Variants in SCAF11 observed in about 807,000 individuals in gnomAD.
SCAF11 encodes the protein SR-related CTD associated factor 11, also known as protein SCAF11.
A neutral mutation model predicts 140.5 loss-of-function variants in SCAF11; 47 were observed. That is an observed-to-expected ratio of 0.33 (90% confidence interval 0.26 to 0.43). The LOEUF (loss-of-function observed/expected upper bound fraction) is 0.43, where lower values mean the gene tolerates loss of function less well. Among genes scored for constraint, SCAF11 ranks in the 20% least tolerant of loss-of-function variants. The probability of loss-of-function intolerance (pLI) is 1.00; values close to 1 mark genes in which losing one functional copy is unlikely to be tolerated. For synonymous variants in SCAF11, 557 were observed against 579.4 expected, an observed-to-expected ratio of 0.96 and a Z score of 0.55; for missense variants, 1,645 against 1,705.1, an observed-to-expected ratio of 0.96 and a Z score of 0.62.
intron 6 of SCAF11, among the ~76,000 whole-genome samples, chr12:45,937,231 T>A (rs888362795): frequency 6.6e-6 from 1 of 152,280 alleles, no homozygotes; most frequent in South Asian, 2.1e-4. Flanking sequence ...TCTTTTTTAG[T>A]CCTACTTTGA....
At chr12:45,925,190 C>A in intron 11 of SCAF11, 116 bp from the exon 12 acceptor site, 1 of 672,558 alleles carries the variant, frequency 1.5e-6, no homozygotes, top group Non-Finnish European at 2.5e-6. Context: ...CTCAGTATAC[C>A]AATACCAATC....
At chr12:45,968,845 G>T (rs995111636) in intron 1 of SCAF11, among the ~76,000 whole-genome samples, 5 of 152,196 alleles carry the variant, frequency 3.3e-5, no homozygotes, top group African/African-American at 9.7e-5. Context: ...AGAATTGCTT[G>T]AACCCAGGAG....
chr12:45,956,100 C>T (rs1945685947), intron 3 of SCAF11: 1 of 715,434 alleles, frequency 1.4e-6, no homozygotes, highest in African/African-American at 1.7e-5. Flanking sequence ...AGAAACCTTC[C>T]TTATTTGGGA....
At chr12:45,960,498 T>A (rs1283943087) in intron 3 of SCAF11, 4 of 151,964 alleles carry the variant, frequency 2.6e-5, no homozygotes, top group African/African-American at 9.7e-5. Flanking sequence ...AGAAAAAAAA[T>A]ATGCATTATT....
rs557535562 is a variant in SCAF11, at chr12:45,924,904, G to A, written c.3730C>T (p.Arg1244Cys). Residue 1244 changes from arginine (R) to cysteine (C), a missense_variant, in exon 12 of 15, where the codon CGC becomes TGC. This residue lies in a region of SCAF11 where 1,582 missense variants were observed against 1,609.2 expected (regional missense o/e 0.98). Transcript: ENST00000369367. Reference sequence around the variant, plus strand: ...TGAGGATGAATGTTAAATGGATTGCGTTGGATGTTCATCAAAGGAGCATGA... The same window carrying A: ...TGAGGATGAATGTTAAATGGATTGCATTGGATGTTCATCAAAGGAGCATGA... ...GVHAPLMNIQRNPFNIHPQLP... is the reference protein window; with the variant it reads ...GVHAPLMNIQCNPFNIHPQLP... 42 of 1,613,992 alleles carry A rather than the reference G, an allele frequency of 2.6e-5. No homozygotes were observed. The South Asian group carries it at 2.7e-4, about 11-fold the overall frequency.
chr12:45,923,793 G>A (rs1267946221), intron 12 of SCAF11, among the ~76,000 whole-genome samples: 3 of 151,470 alleles, frequency 2.0e-5, no homozygotes, highest in Non-Finnish European at 4.4e-5. Flanking sequence ...AGTGATTCTT[G>A]AGCCTCAGCC....
At chr12:45,943,474 TG>T (rs1945352920) in intron 6 of SCAF11, among the ~76,000 whole-genome samples, 1 of 152,196 alleles carries the variant, frequency 6.6e-6, no homozygotes, top group Non-Finnish European at 1.5e-5. Context: ...TTATTATAAT[TG>T]TTCTATATTA....
chr12:45,949,491 A>G (rs1193462806), intron 4 of SCAF11, among the ~76,000 whole-genome samples: 2 of 152,132 alleles, frequency 1.3e-5, no homozygotes, highest in Non-Finnish European at 2.9e-5. Context: ...TTAAAATTTT[A>G]GTTATTTAGT....
chr12:45,965,598 GC>G (rs1344744485), intron 1 of SCAF11, among the ~76,000 whole-genome samples: 1 of 152,106 alleles, frequency 6.6e-6, no homozygotes, highest in South Asian at 2.1e-4. Flanking sequence ...ACAGGCATAA[GC>G]CACTGCACCT....
chr12:45,950,653 G>C (rs1370369192), intron 4 of SCAF11, among the ~76,000 whole-genome samples: 2 of 152,010 alleles, frequency 1.3e-5, no homozygotes, highest in African/African-American at 4.8e-5. Flanking sequence ...AATTTGCATT[G>C]ATGGCAAAGT....
Position 45,958,591 on chromosome 12 carries a change from CATT to C in SCAF11, c.219+3106_219+3108del, listed in dbSNP as rs756737040. On this transcript the variant is annotated intron_variant, in intron 3 of 14. Transcript: ENST00000369367. ...CAATATTCTATTTCTATATAATCAT[CATT>C]ATTTTATAAATCAACAGGTTTACCA... Among the ~76,000 whole-genome samples, 400 of 152,228 alleles carry C rather than the reference CATT, an allele frequency of 2.6e-3. 2 individuals carry two copies. The highest frequency in any genetic ancestry group is 4.5e-3 in the Non-Finnish European group (305 of 68,006).
At position 45,955,901 on chromosome 12, in the gene SCAF11, G is replaced by A. The variant is rs753265704; in HGVS notation, c.220-4174C>T. 4.1e-4 allele frequency: 206 copies of A among 499,692 alleles called. 1 individual carries two copies. Among genetic ancestry groups the A allele is most frequent in the Non-Finnish European group, 6.7e-4 (188 of 279,770 alleles). The allele number at this position is 499,692 out of a possible 1,614,324, so 31.0% of individuals were successfully genotyped here. ...AATGGAATTTGCTCACTGCTTTACA[G>A]TGTAATGTGTATTAAACAGAGCATA... On this transcript the variant is annotated intron_variant, in intron 3 of 14. Transcript: ENST00000369367.
chr12:45,984,993 C>T (rs1946429110), intron 1 of SCAF11, among the ~76,000 whole-genome samples: 1 of 152,214 alleles, frequency 6.6e-6, no homozygotes, highest in Non-Finnish European at 1.5e-5. Context: ...CCACACCCAG[C>T]CACTTCCTTA....
intron 3 of SCAF11, among the ~76,000 whole-genome samples, chr12:45,960,256 T>C (rs1323037370): frequency 1.3e-5 from 2 of 152,138 alleles, no homozygotes; most frequent in Non-Finnish European, 1.5e-5. Context: ...TATCTACTTA[T>C]TACATACACA....
At chr12:45,978,050 C>CAAT (rs1946273572) in intron 1 of SCAF11, among the ~76,000 whole-genome samples, 1 of 152,122 alleles carries the variant, frequency 6.6e-6, no homozygotes, top group African/African-American at 2.4e-5. Context: ...ATATTTACAA[C>CAAT]GCAGTACTTT....
chr12:45,929,073 TG>T (rs1944976284), intron 10 of SCAF11: 1 of 331,944 alleles, frequency 3.0e-6, no homozygotes, highest in African/African-American at 2.2e-5. Context: ...TAACTAGATT[TG>T]GTCCAAATGG....
rs552792387 is a variant in SCAF11 at position 45,985,297 on chromosome 12, T to C, written c.-22+5056A>G. The stretch of plus-strand genomic sequence containing the variant: ...TACTTACTAAATTTGATCAACCCCC[T>C]GCATGTGGCCAGTTTCCCATTGCCT... On this transcript the variant is annotated intron_variant, in intron 1 of 14. Transcript: ENST00000369367. Among the ~76,000 whole-genome samples the C allele has an allele frequency of 5.9e-5, 9 of 152,318 alleles. No individual in the cohort carries two copies. In the South Asian group the frequency reaches 1.2e-3, roughly 21 times the overall value.
chr12:45,947,288 T>C (rs1400540513), intron 5 of SCAF11, among the ~76,000 whole-genome samples: 1 of 152,214 alleles, frequency 6.6e-6, no homozygotes, highest in South Asian at 2.1e-4. Flanking sequence ...ACTACTCATA[T>C]TCAATTTACC....
intron 3 of SCAF11, among the ~76,000 whole-genome samples, chr12:45,953,611 A>G (rs1945604682): frequency 1.3e-5 from 2 of 152,200 alleles, no homozygotes; most frequent in South Asian, 2.1e-4. Flanking sequence ...AAAAGCTTCA[A>G]AATGTTTTTT....
Sources: allele counts gnomAD v4.1 joint callset (sites outside exome capture counted in the v4.1 genomes callset), GRCh38; gene constraint gnomAD v4.1.1; regional missense constraint gnomAD v4.1.1; transcripts MANE v1.5; gene names NCBI Gene and HGNC (gene_info 2026-07-23, HGNC 2026-07-21).